The following RBFOX1 variants were observed in gnomAD, a reference collection of about 807,000 sequenced individuals.
RBFOX1 encodes the protein RNA binding protein fox-1 homolog 1.
Under a neutral mutation model 57.7 loss-of-function variants are expected in RBFOX1, and 8 were observed. The ratio of observed to expected loss-of-function variants is 0.14; its 90% CI spans 0.08 to 0.25. The LOEUF (loss-of-function observed/expected upper bound fraction) is 0.25, where lower values mean the gene tolerates loss of function less well. Among genes scored for constraint, RBFOX1 ranks in the 10% least tolerant of loss-of-function variants. The pLI, the probability that RBFOX1 is intolerant of heterozygous loss-of-function variation, is 1.00. For missense variants in RBFOX1, 611 were observed against 548.5 expected, an observed-to-expected ratio of 1.11 and a Z score of -1.14; for synonymous variants, 326 against 222.4, an observed-to-expected ratio of 1.47 and a Z score of -4.15.
At chr16:6,650,760 C>G (rs1232199983) in intron 2 of RBFOX1, among the ~76,000 whole-genome samples, 1 of 152,184 alleles carries the variant, frequency 6.6e-6, no homozygotes, top group East Asian at 1.9e-4. Flanking sequence ...GCTGTGTTTA[C>G]TAATAAATCA....
intron 1 of RBFOX1, among the ~76,000 whole-genome samples, chr16:5,353,921 A>C (rs1219926737): frequency 1.3e-5 from 2 of 152,044 alleles, no homozygotes. Flanking sequence ...CTTTGGAAAC[A>C]CATCAGCCTG....
chr16:6,019,005 G>A, upstream of RBFOX1: 1 of 800,688 alleles, frequency 1.2e-6, no homozygotes, highest in Non-Finnish European at 1.5e-6. This position sits in a 1 kb window ranked among gnomAD's most constrained non-coding sequence, Gnocchi z 4.2. Context: ...AAGGGGGAGG[G>A]GGCGCTCCCT....
At chr16:6,614,948 T>G (rs932575806) in intron 2 of RBFOX1, among the ~76,000 whole-genome samples, 3 of 152,214 alleles carry the variant, frequency 2.0e-5, no homozygotes, top group Non-Finnish European at 4.4e-5. Flanking sequence ...TAACAGACAC[T>G]TTAAAAATAT....
chr16:7,414,360 T>G (rs113831300), intron 4 of RBFOX1, among the ~76,000 whole-genome samples: 1 of 152,152 alleles, frequency 6.6e-6, no homozygotes, highest in African/African-American at 2.4e-5. Flanking sequence ...GAAGATAGAT[T>G]GGTGGTCAAA....
intron 5 of RBFOX1, among the ~76,000 whole-genome samples, chr16:7,562,124 C>G (rs1163758318): frequency 6.6e-6 from 1 of 152,064 alleles, no homozygotes; most frequent in African/African-American, 2.4e-5. Flanking sequence ...TTTTATGAGA[C>G]CATTAACACA....
intron 2 of RBFOX1, among the ~76,000 whole-genome samples, chr16:6,596,248 C>G (rs72762937): frequency 0.041 from 6,234 of 152,114 alleles, 182 homozygotes; most frequent in Non-Finnish European, 0.062. Context: ...AGTATTAGCT[C>G]TAACATTTAG....
chr16:6,256,239 A>G lies in RBFOX1; in HGVS notation c.-126-60756A>G, dbSNP rs1466884365. Among the ~76,000 whole-genome samples the G allele has an allele frequency of 1.3e-3, 130 of 99,728 alleles. 2 individuals carry two copies. Among genetic ancestry groups the G allele is most frequent in the African/African-American group, 5.7e-3 (122 of 21,472 alleles). The allele number at this position is 99,728 out of a possible 152,430, so 65.4% of individuals were successfully genotyped here. A position where few individuals can be genotyped will look rare whatever the true frequency, so the allele number is the denominator to read the frequency against. ...TATATATGTATATATATATGTGTAT[A>G]TATATATGTATATATATGTGTATAT... On this transcript the variant is annotated intron_variant, in intron 1 of 15. Coordinates refer to ENST00000550418, the MANE Select transcript of RBFOX1 (RefSeq NM_018723.4).
chr16:6,316,925 A>C, intron 1 of RBFOX1, 70 bp from the exon 2 acceptor site: 1 of 1,383,726 alleles, frequency 7.2e-7, no homozygotes, highest in Non-Finnish European at 9.9e-7. Context: ...TTACTATGAC[A>C]AAAAAAGTGC....
In RBFOX1 at chr16:6,119,136, G is replaced by A. The variant is rs190029646; in HGVS notation, c.-127+99144G>A. On this transcript the variant is annotated intron_variant, in intron 1 of 15. Coordinates refer to ENST00000550418, the MANE Select transcript of RBFOX1 (RefSeq NM_018723.4). ...CCACATAGGTTTTACAGATATAATG[G>A]CATTACCTACACCATGTTTCTTAGA... Among the ~76,000 whole-genome samples the A allele has an allele frequency of 3.3e-5, 5 of 151,766 alleles. No homozygotes were observed. The East Asian group carries it at 7.8e-4, about 24-fold the overall frequency.
intron 3 of RBFOX1, among the ~76,000 whole-genome samples, chr16:5,848,882 G>A (rs1177258537): frequency 6.6e-6 from 1 of 152,136 alleles, no homozygotes; most frequent in African/African-American, 2.4e-5. Flanking sequence ...CTGGGAGGCA[G>A]AGGTTGCAGT....
At chr16:5,810,679 G>A (rs893075259) in intron 3 of RBFOX1, among the ~76,000 whole-genome samples, 1 of 152,184 alleles carries the variant, frequency 6.6e-6, no homozygotes, top group African/African-American at 2.4e-5. Flanking sequence ...GAATTCAGGA[G>A]TAGGGTCTTC....
intron 3 of RBFOX1, among the ~76,000 whole-genome samples, chr16:6,842,804 A>C (rs1032293225): frequency 6.6e-6 from 1 of 151,906 alleles, no homozygotes; most frequent in Non-Finnish European, 1.5e-5. Context: ...TATTTGTCCT[A>C]ATGCTCTCCC....
chr16:6,725,678 AAAAAG>A (rs1261350713), intron 3 of RBFOX1, among the ~76,000 whole-genome samples: 2 of 152,178 alleles, frequency 1.3e-5, no homozygotes, highest in African/African-American at 4.8e-5. Flanking sequence ...GCTTTTACTT[AAAAAG>A]AAGAGTTCAG....
chr16:6,496,668 A>G (rs945638126), intron 2 of RBFOX1, among the ~76,000 whole-genome samples: 1 of 152,168 alleles, frequency 6.6e-6, no homozygotes, highest in African/African-American at 2.4e-5. Context: ...GCTAAATTAC[A>G]GCGAGTATTG....
intron 4 of RBFOX1, among the ~76,000 whole-genome samples, chr16:7,197,590 A>G (rs1258468707): frequency 3.3e-5 from 5 of 152,216 alleles, no homozygotes; most frequent in African/African-American, 9.6e-5. Flanking sequence ...TTGCAGTAAC[A>G]TTGAAAACAA....
intron 4 of RBFOX1, among the ~76,000 whole-genome samples, chr16:7,261,781 G>A (rs1010168757): frequency 6.6e-6 from 1 of 152,188 alleles, no homozygotes; most frequent in Admixed American, 6.5e-5. Context: ...ACGAGAGCCT[G>A]ACACTAAGAA....
intron 3 of RBFOX1, among the ~76,000 whole-genome samples, chr16:6,947,841 A>G (rs560486353): frequency 3.9e-5 from 6 of 152,134 alleles, no homozygotes; most frequent in Non-Finnish European, 7.3e-5. Flanking sequence ...CAGTCGTGCA[A>G]TCTTGGCTCA....
chr16:7,296,971 A>G (rs1320390877), intron 4 of RBFOX1, among the ~76,000 whole-genome samples: 1 of 152,184 alleles, frequency 6.6e-6, no homozygotes, highest in African/African-American at 2.4e-5. Context: ...CATCCTGCTT[A>G]GTGGCTTACA....
intron 2 of RBFOX1, among the ~76,000 whole-genome samples, chr16:6,532,853 T>A (rs180892462): frequency 2.0e-5 from 3 of 152,204 alleles, no homozygotes; most frequent in African/African-American, 7.2e-5. Context: ...TCTCAGACTT[T>A]CCATGTGAAT....
Sources: gnomAD v4.1 joint callset for allele counts (sites outside exome capture counted in the v4.1 genomes callset) on GRCh38, gnomAD v4.1.1 for gene constraint, Gnocchi (gnomAD v3.1) non-coding constraint, MANE v1.5 for transcripts, NCBI Gene and HGNC (gene_info 2026-07-23, HGNC 2026-07-21) for gene names.